Variants in TMEM108 observed in about 807,000 individuals in gnomAD.
The protein encoded by TMEM108 is cancer/testis antigen 124.
In TMEM108, 12 loss-of-function variants were observed where a neutral mutation model predicts 35.1. The observed-to-expected ratio is 0.34, with a 90% CI of 0.22 to 0.55. TMEM108 has a LOEUF of 0.55. TMEM108 is among the 20% of genes least tolerant of loss of function. The probability of loss-of-function intolerance (pLI) is 0.89; values close to 1 mark genes in which losing one functional copy is unlikely to be tolerated. For missense variants in TMEM108, 680 were observed against 753.3 expected (o/e 0.90, Z 1.14); for synonymous variants, 287 against 308.6 (o/e 0.93, Z 0.73).
intron 2 of TMEM108, among the ~76,000 whole-genome samples, chr3:133,201,315 T>C (rs1178625805): frequency 1.3e-5 from 2 of 152,122 alleles, no homozygotes; most frequent in African/African-American, 2.4e-5. Flanking sequence ...AAAAAATTTA[T>C]ACTTTAAGTT....
intron 3 of TMEM108, among the ~76,000 whole-genome samples, chr3:133,361,870 AC>A (rs1199655855): frequency 2.0e-5 from 3 of 152,226 alleles, no homozygotes; most frequent in Admixed American, 6.5e-5. Flanking sequence ...TAGCAACATC[AC>A]ATTGTAAGAA....
At chr3:133,061,827 G>T (rs938523473) in intron 2 of TMEM108, among the ~76,000 whole-genome samples, 2 of 152,180 alleles carry the variant, frequency 1.3e-5, no homozygotes, top group Non-Finnish European at 2.9e-5. Context: ...ATGGCATGTG[G>T]ATTCAGATTT....
intron 2 of TMEM108, among the ~76,000 whole-genome samples, chr3:133,121,805 G>A (rs928776851): frequency 7.9e-5 from 12 of 152,148 alleles, no homozygotes; most frequent in African/African-American, 2.9e-4. Flanking sequence ...TCTCGAGTTT[G>A]TAAGAAAAAA....
chr3:133,128,248 G>A (rs1944443088), intron 2 of TMEM108, among the ~76,000 whole-genome samples: 1 of 152,200 alleles, frequency 6.6e-6, no homozygotes, highest in African/African-American at 2.4e-5. Context: ...CATCCACTCT[G>A]TTTTGAATAT....
intron 3 of TMEM108, among the ~76,000 whole-genome samples, chr3:133,370,093 T>C (rs2072612859): frequency 2.7e-5 from 4 of 148,450 alleles, no homozygotes; most frequent in African/African-American, 1.1e-4. Flanking sequence ...TTGTCACAGT[T>C]AGTAATATGG....
Position 133,381,017 on chromosome 3 carries a change from G to A in TMEM108, c.1306G>A (p.Ala436Thr), listed in dbSNP as rs781038773. 1.4e-5 allele frequency: 23 copies of A among 1,614,074 alleles called. No individual in the cohort carries two copies. The highest frequency in any genetic ancestry group is 3.3e-5 in the Admixed American group (2 of 60,008). ...CAATTTCCTCAACCGCCTGGTCCCC[G>A]CCGGGACCTGGAAGCCTGGGACAGC... ...TGNFLNRLVP[A>T]GTWKPGTAGN... Residue 436 changes from alanine (A) to threonine (T), a missense_variant, in exon 4 of 6, where the codon GCC (alanine) becomes ACC (threonine). Transcript: ENST00000321871.
rs973725215 is a variant in TMEM108 at position 133,346,752 on chromosome 3, T to G, written c.41-33000T>G. On this transcript the variant is annotated intron_variant, in intron 3 of 5. Coordinates refer to ENST00000321871, the MANE Select transcript of TMEM108 (RefSeq NM_023943.4). The surrounding 1 kb of genome is among the most constrained non-coding windows in gnomAD (Gnocchi z 4.0). ...CACCTAAATTTTCTCCTATGTTATC[T>G]TCTACAAGTTCTATAGTTTTGCATT... Among the ~76,000 whole-genome samples, 13 of 152,128 alleles carry G rather than the reference T, an allele frequency of 8.5e-5. No homozygotes were observed. The highest frequency in any genetic ancestry group is 1.9e-4 in the Non-Finnish European group (13 of 67,952).
intron 3 of TMEM108, among the ~76,000 whole-genome samples, chr3:133,265,923 G>A (rs963365194): frequency 5.9e-5 from 9 of 152,232 alleles, no homozygotes; most frequent in African/African-American, 2.2e-4. Context: ...ACCATTCATT[G>A]TGTTGTCCGG....
intron 2 of TMEM108, chr3:133,074,343 T>A (rs1281155023): frequency 2.0e-5 from 3 of 152,190 alleles, no homozygotes; most frequent in Non-Finnish European, 4.4e-5. Flanking sequence ...TGGTGTGACA[T>A]CCTGATAAAC....
intron 2 of TMEM108, among the ~76,000 whole-genome samples, chr3:133,185,774 CTTTTCTTTTCTTT>C (rs898880386): frequency 7.7e-5 from 7 of 90,828 alleles, no homozygotes; most frequent in East Asian, 3.1e-4. Flanking sequence ...CTTTTCTTTT[CTTTTCTTTTCTTT>C]TTTTTTTTTT....
At chr3:133,317,711 C>A (rs562729366) in intron 3 of TMEM108, among the ~76,000 whole-genome samples, 1 of 152,270 alleles carries the variant, frequency 6.6e-6, no homozygotes, top group South Asian at 2.1e-4. Context: ...ATAACTCCAT[C>A]CAGCAGATAC....
intron 3 of TMEM108, among the ~76,000 whole-genome samples, chr3:133,306,246 C>A (rs1278801721): frequency 1.3e-5 from 2 of 152,136 alleles, no homozygotes; most frequent in Non-Finnish European, 2.9e-5. Context: ...TTAACTCTTA[C>A]ATTTAAGTAC....
chr3:133,345,368 T>A (rs2071785217), intron 3 of TMEM108, among the ~76,000 whole-genome samples: 1 of 151,906 alleles, frequency 6.6e-6, no homozygotes, highest in South Asian at 2.1e-4. Context: ...ATTTTTAATA[T>A]TTATTCCTTT....
At chr3:133,050,615 T>G (rs1943392962) in intron 2 of TMEM108, among the ~76,000 whole-genome samples, 1 of 152,126 alleles carries the variant, frequency 6.6e-6, no homozygotes, top group Non-Finnish European at 1.5e-5. Flanking sequence ...CATTATAGTC[T>G]ATAGGTATTT....
intron 1 of TMEM108, among the ~76,000 whole-genome samples, chr3:133,044,921 A>C (rs1455810460): frequency 2.6e-5 from 4 of 151,742 alleles, no homozygotes; most frequent in Admixed American, 6.6e-5. Flanking sequence ...CACACAGTAC[A>C]TAGTGAGACC....
At chr3:133,159,133 G>T (rs1400514362) in intron 2 of TMEM108, among the ~76,000 whole-genome samples, 2 of 152,184 alleles carry the variant, frequency 1.3e-5, no homozygotes, top group Admixed American at 1.3e-4. Context: ...CTTGGTTTCT[G>T]ATAGATCATC....
intron 2 of TMEM108, among the ~76,000 whole-genome samples, chr3:133,073,912 T>G (rs1045272597): frequency 6.6e-6 from 1 of 152,106 alleles, no homozygotes; most frequent in African/African-American, 2.4e-5. Context: ...ATTAGTAATG[T>G]AGAATATTTT....
chr3:133,181,018 A>C (rs1438387123), intron 2 of TMEM108, among the ~76,000 whole-genome samples: 7 of 121,640 alleles, frequency 5.8e-5, no homozygotes, highest in Admixed American at 3.8e-4. Flanking sequence ...TAAAAAAAAA[A>C]AAAAAAAAAA....
At chr3:133,161,306 C>T (rs545774744) in intron 2 of TMEM108, among the ~76,000 whole-genome samples, 139 of 152,208 alleles carry the variant, frequency 9.1e-4, no homozygotes, top group Non-Finnish European at 1.2e-3. Flanking sequence ...CTCACCTTAA[C>T]ATCCTCGAGG....
Sources: allele counts gnomAD v4.1 joint callset (sites outside exome capture counted in the v4.1 genomes callset), GRCh38; gene constraint gnomAD v4.1.1; non-coding constraint Gnocchi (gnomAD v3.1); transcripts MANE v1.5; gene names NCBI Gene and HGNC (gene_info 2026-07-23, HGNC 2026-07-21).